Variants in GPC6 observed in about 807,000 individuals in gnomAD.
GPC6 encodes glypican 6, also known as glypican-6.
A neutral mutation model predicts 55.2 loss-of-function variants in GPC6; 14 were observed. That is an observed-to-expected ratio of 0.25 (90% confidence interval 0.17 to 0.40). The LOEUF (loss-of-function observed/expected upper bound fraction) is 0.40, where lower values mean the gene tolerates loss of function less well. Among genes scored for constraint, GPC6 ranks in the 10% least tolerant of loss-of-function variants. GPC6 has a pLI of 1.00. For missense variants in GPC6, 641 were observed against 708.5 expected, an observed-to-expected ratio of 0.90 and a Z score of 1.08; for synonymous variants, 278 against 259.6, an observed-to-expected ratio of 1.07 and a Z score of -0.68.
At chr13:93,683,796 A>G (rs866346924) in intron 2 of GPC6, among the ~76,000 whole-genome samples, 2 of 152,188 alleles carry the variant, frequency 1.3e-5, no homozygotes, top group African/African-American at 4.8e-5. Flanking sequence ...TTGGGCTGCT[A>G]TAACAAAGTA....
intron 1 of GPC6, among the ~76,000 whole-genome samples, chr13:93,431,907 G>T (rs767494641): frequency 6.6e-6 from 1 of 152,148 alleles, no homozygotes; most frequent in Non-Finnish European, 1.5e-5. Flanking sequence ...TTCTTGAATG[G>T]ATGATGCTGT....
intron 1 of GPC6, among the ~76,000 whole-genome samples, chr13:93,498,487 T>C (rs947640822): frequency 6.6e-6 from 1 of 152,142 alleles, no homozygotes; most frequent in Non-Finnish European, 1.5e-5. Context: ...CTCCCAGAAA[T>C]CCCATGTGTT....
intron 2 of GPC6, among the ~76,000 whole-genome samples, chr13:93,558,865 C>A (rs544729539): frequency 6.6e-6 from 1 of 152,230 alleles, no homozygotes; most frequent in East Asian, 1.9e-4. Flanking sequence ...TTCCGTATAT[C>A]CTTTAGTGTG....
chr13:94,384,241 T>TA (rs1880303414), intron 7 of GPC6, among the ~76,000 whole-genome samples: 2 of 152,354 alleles, frequency 1.3e-5, no homozygotes, highest in Admixed American at 1.3e-4. Flanking sequence ...AACATGCCAC[T>TA]AAAAAATATT....
chr13:93,884,966 C>T (rs1187122717), intron 3 of GPC6, among the ~76,000 whole-genome samples: 2 of 152,020 alleles, frequency 1.3e-5, no homozygotes, highest in African/African-American at 4.8e-5. Flanking sequence ...TCTTACTTCA[C>T]TTGTTTGGGG....
At chr13:93,560,948 C>T (rs1224052993) in intron 2 of GPC6, among the ~76,000 whole-genome samples, 1 of 152,084 alleles carries the variant, frequency 6.6e-6, no homozygotes, top group Non-Finnish European at 1.5e-5. Flanking sequence ...ATTTTTAAGC[C>T]TCTTTCTTAT....
intron 4 of GPC6, among the ~76,000 whole-genome samples, chr13:94,090,686 T>G (rs72632646): frequency 1.4e-4 from 1 of 7,280 alleles, no homozygotes; most frequent in Non-Finnish European, 5.0e-4. Context: ...TACTTAATAC[T>G]TACATCAACT....
At chr13:93,939,108 A>T (rs191919433) in intron 3 of GPC6, among the ~76,000 whole-genome samples, 15 of 151,746 alleles carry the variant, frequency 9.9e-5, no homozygotes, top group African/African-American at 2.9e-4. Context: ...AAAAAAATAA[A>T]AAATAAATAA....
chr13:94,032,050 A>C (rs1320006874), intron 4 of GPC6, among the ~76,000 whole-genome samples: 1 of 152,202 alleles, frequency 6.6e-6, no homozygotes. Context: ...AGACAAAGGC[A>C]GGGATTCTGT....
At chr13:93,712,238 A>G (rs891334095) in intron 2 of GPC6, among the ~76,000 whole-genome samples, 4 of 151,772 alleles carry the variant, frequency 2.6e-5, no homozygotes, top group African/African-American at 9.7e-5. Flanking sequence ...TAAAAAATAT[A>G]TGGAGTAATG....
chr13:94,207,611 G>A (rs758714597), intron 4 of GPC6, among the ~76,000 whole-genome samples: 2 of 152,152 alleles, frequency 1.3e-5, no homozygotes, highest in African/African-American at 4.8e-5. Context: ...CTTAATTAAT[G>A]CTTCTTTAAT....
At chr13:94,110,016 T>A (rs1886184254) in intron 4 of GPC6, among the ~76,000 whole-genome samples, 3 of 148,662 alleles carry the variant, frequency 2.0e-5, no homozygotes, top group Non-Finnish European at 4.4e-5. Flanking sequence ...AAAAGTTAAT[T>A]ATCTTGAGTG....
chr13:94,309,259 A>G (rs144258126), intron 6 of GPC6, among the ~76,000 whole-genome samples: 1 of 152,328 alleles, frequency 6.6e-6, no homozygotes, highest in East Asian at 1.9e-4. Context: ...GAAAATAACT[A>G]TAAAGCACTT....
At chr13:93,909,186 A>G (rs1318845705) in intron 3 of GPC6, among the ~76,000 whole-genome samples, 2 of 152,174 alleles carry the variant, frequency 1.3e-5, no homozygotes, top group Non-Finnish European at 2.9e-5. Context: ...CAAAATATAC[A>G]GGTACGGACA....
At chr13:93,640,394 C>T (rs73543547) in intron 2 of GPC6, among the ~76,000 whole-genome samples, 6,270 of 152,110 alleles carry the variant, frequency 0.041, 444 homozygotes, top group African/African-American at 0.14. Context: ...AGAGATTATC[C>T]TTGTTTTATA....
chr13:94,137,153 C>T (rs377073314), intron 4 of GPC6, among the ~76,000 whole-genome samples: 36 of 152,240 alleles, frequency 2.4e-4, no homozygotes, highest in African/African-American at 5.8e-4. Context: ...GATTTTAGAT[C>T]GCTTGTACAT....
chr13:94,403,472 G>A lies in GPC6; in HGVS notation c.*255G>A, dbSNP rs9584224. The stretch of plus-strand genomic sequence containing the variant: ...GAGAGAATTCTTACTCAAATTTTTC[G>A]TACCAGGAGATTTTCTTACCTTCAT... On this transcript the variant is annotated 3_prime_UTR_variant, in exon 9 of 9. Transcript: ENST00000377047. The A allele has an allele frequency of 0.015, 7,640 of 499,472 alleles. 429 individuals carry two copies. The highest frequency in any genetic ancestry group is 0.13 in the African/African-American group (6,753 of 51,590). The allele number at this position is 499,472 out of a possible 1,614,324, so 30.9% of individuals were successfully genotyped here. A position where few individuals can be genotyped will look rare whatever the true frequency, so the allele number is the denominator to read the frequency against.
chr13:94,129,601 A>G (rs558458893), intron 4 of GPC6, among the ~76,000 whole-genome samples: 1 of 152,240 alleles, frequency 6.6e-6, no homozygotes, highest in Non-Finnish European at 1.5e-5. Context: ...TCCTCCTGTT[A>G]TCCCATAAGC....
At chr13:93,635,544 A>C (rs182720716) in intron 2 of GPC6, among the ~76,000 whole-genome samples, 1 of 152,288 alleles carries the variant, frequency 6.6e-6, no homozygotes, top group East Asian at 1.9e-4. Context: ...CCCAGAACAA[A>C]GACCTGAGTG....
Sources: gnomAD v4.1 joint callset for allele counts (sites outside exome capture counted in the v4.1 genomes callset) on GRCh38, gnomAD v4.1.1 for gene constraint, MANE v1.5 for transcripts, NCBI Gene and HGNC (gene_info 2026-07-23, HGNC 2026-07-21) for gene names.